The following EYA2 variants were observed in gnomAD, a reference collection of about 807,000 sequenced individuals.
EYA2 encodes the protein protein phosphatase EYA2.
In EYA2, 31 loss-of-function variants were observed where a neutral mutation model predicts 69.2. The ratio of observed to expected loss-of-function variants is 0.45; its 90% CI spans 0.34 to 0.60. The LOEUF is 0.60. Ranked by LOEUF, EYA2 falls within the 20% of genes least tolerant of loss-of-function variation. The pLI, the probability that EYA2 is intolerant of heterozygous loss-of-function variation, is 0.02. For missense variants in EYA2, 622 were observed against 701.2 expected (o/e 0.89, Z 1.28); for synonymous variants, 257 against 279.4 (o/e 0.92, Z 0.80).
intron 12 of EYA2, among the ~76,000 whole-genome samples, chr20:47,173,533 C>CAAA (rs1568826914): frequency 7.7e-6 from 1 of 130,516 alleles, no homozygotes; most frequent in African/African-American, 2.9e-5. Flanking sequence ...AAAAAAAAAA[C>CAAA]GTGCAGGGTC....
Position 46,982,012 on chromosome 20 carries a change from T to C in EYA2, c.-10-7989T>C, listed in dbSNP as rs1039497221. Among the ~76,000 whole-genome samples the C allele has an allele frequency of 3.9e-4, 59 of 152,332 alleles. 1 individual carries two copies. The highest frequency in any genetic ancestry group is 2.0e-4 in the Admixed American group (3 of 15,302). On this transcript the variant is annotated intron_variant, in intron 1 of 15. Transcript: ENST00000327619. ...TCTTGATATATCTAAAAGTTTACTA[T>C]AAATTAGTACTTTTACCATTTCCAA...
At chr20:47,027,200 A>C (rs1035273707) in intron 5 of EYA2, among the ~76,000 whole-genome samples, 8 of 152,210 alleles carry the variant, frequency 5.3e-5, no homozygotes, top group Non-Finnish European at 1.0e-4. Context: ...TGGCCTCCTC[A>C]TGGTGAAATG....
intron 9 of EYA2, among the ~76,000 whole-genome samples, chr20:47,109,478 A>G: frequency 6.6e-6 from 1 of 151,490 alleles, no homozygotes; most frequent in East Asian, 1.9e-4. Flanking sequence ...GTGTGCATTT[A>G]TTTCTTATGT....
intron 8 of EYA2, among the ~76,000 whole-genome samples, chr20:47,091,993 C>A (rs914316902): frequency 6.6e-6 from 1 of 152,092 alleles, no homozygotes; most frequent in Non-Finnish European, 1.5e-5. Context: ...CAAAATAGCA[C>A]ACAATGGGGA....
chr20:47,126,779 G>A (rs909583080), intron 9 of EYA2, among the ~76,000 whole-genome samples: 5 of 152,086 alleles, frequency 3.3e-5, no homozygotes, highest in South Asian at 2.1e-4. Flanking sequence ...ATTTGGTGAC[G>A]TCTGGAGACA....
intron 9 of EYA2, among the ~76,000 whole-genome samples, chr20:47,108,980 G>T (rs1568783329): frequency 6.6e-6 from 1 of 152,126 alleles, no homozygotes; most frequent in Non-Finnish European, 1.5e-5. Flanking sequence ...GACTGAACTG[G>T]TCTTTCTCAG....
chr20:47,014,628 A>ATGTGTGTGTGTG (rs56005987), intron 4 of EYA2, among the ~76,000 whole-genome samples: 161 of 144,700 alleles, frequency 1.1e-3, no homozygotes, highest in African/African-American at 2.3e-3. Flanking sequence ...TGTGCACAAA[A>ATGTGTGTGTGTG]TGTGTGTGTG....
At chr20:46,993,046 G>T (rs527416996) in intron 2 of EYA2, among the ~76,000 whole-genome samples, 12 of 152,280 alleles carry the variant, frequency 7.9e-5, no homozygotes, top group African/African-American at 2.6e-4. Flanking sequence ...TCTGGAGGGA[G>T]CATGGAGCCA....
chr20:47,040,846 G>A (rs1395356909), intron 5 of EYA2, among the ~76,000 whole-genome samples: 1 of 152,136 alleles, frequency 6.6e-6, no homozygotes, highest in Non-Finnish European at 1.5e-5. Context: ...GGTTAGGGGG[G>A]AGGTTAAAAA....
chr20:46,898,632 G>A lies in EYA2; in HGVS notation c.-11+3645G>A, dbSNP rs78017083. Among the ~76,000 whole-genome samples the A allele has an allele frequency of 2.0e-3, 297 of 152,286 alleles. 1 individual carries two copies. Among genetic ancestry groups the A allele is most frequent in the African/African-American group, 6.8e-3 (281 of 41,552 alleles). On this transcript the variant is annotated intron_variant, in intron 1 of 15. Coordinates refer to ENST00000327619, the MANE Select transcript of EYA2 (RefSeq NM_005244.5). ...GCTTCGTTTTCACTGTTTGAAGATCGTAACTGGCCTAATGGTGTTTGACTA... is the reference window on the plus strand; with the variant it reads ...GCTTCGTTTTCACTGTTTGAAGATCATAACTGGCCTAATGGTGTTTGACTA...
intron 1 of EYA2, among the ~76,000 whole-genome samples, chr20:46,915,987 TC>T (rs1180414174): frequency 6.6e-6 from 1 of 152,192 alleles, no homozygotes. Flanking sequence ...AAACAAAAGA[TC>T]AACCGAAATG....
intron 1 of EYA2, among the ~76,000 whole-genome samples, chr20:46,948,119 A>AG (rs1555805371): frequency 6.6e-6 from 1 of 151,436 alleles, no homozygotes; most frequent in Non-Finnish European, 1.5e-5. Flanking sequence ...CAAAAAAAAA[A>AG]AAAAGAAAAA....
chr20:47,069,864 AC>A (rs976157047), intron 5 of EYA2, among the ~76,000 whole-genome samples: 10 of 123,784 alleles, frequency 8.1e-5, no homozygotes, highest in Non-Finnish European at 4.9e-5. Context: ...ATATATATGC[AC>A]ATATATATAT....
intron 1 of EYA2, among the ~76,000 whole-genome samples, chr20:46,958,767 G>A (rs937604165): frequency 6.6e-5 from 10 of 152,204 alleles, no homozygotes; most frequent in African/African-American, 2.2e-4. Flanking sequence ...CACTTAGCTC[G>A]CACCTATTAA....
chr20:47,005,164 ATG>A, intron 4 of EYA2, 80 bp downstream of exon 4: 1 of 1,506,868 alleles, frequency 6.6e-7, no homozygotes, highest in Admixed American at 1.9e-5. Context: ...TCTCAGCTAA[ATG>A]TGGATTAATA....
chr20:47,071,093 TC>T (rs1285542527), intron 5 of EYA2, among the ~76,000 whole-genome samples: 4 of 152,152 alleles, frequency 2.6e-5, no homozygotes, highest in African/African-American at 9.7e-5. Context: ...CGCTGCTACC[TC>T]CGCCTCCCGA....
intron 5 of EYA2, among the ~76,000 whole-genome samples, chr20:47,022,046 C>T (rs1983782992): frequency 1.3e-5 from 2 of 152,184 alleles, no homozygotes; most frequent in African/African-American, 2.4e-5. Context: ...GTCAATAGTG[C>T]ATGCCACAAA....
At chr20:47,017,987 C>A (rs1286674463) in intron 5 of EYA2, among the ~76,000 whole-genome samples, 1 of 152,208 alleles carries the variant, frequency 6.6e-6, no homozygotes, top group African/African-American at 2.4e-5. Flanking sequence ...TCTGCTCTCA[C>A]GTCTGTGTCC....
At chr20:46,955,004 G>C (rs1255590571) in intron 1 of EYA2, among the ~76,000 whole-genome samples, 2 of 152,172 alleles carry the variant, frequency 1.3e-5, no homozygotes, top group Non-Finnish European at 2.9e-5. Flanking sequence ...CGTCCTGCAG[G>C]CCTTTTCTCA....
Sources: allele counts gnomAD v4.1 joint callset (sites outside exome capture counted in the v4.1 genomes callset), GRCh38; gene constraint gnomAD v4.1.1; transcripts MANE v1.5; gene names NCBI Gene and HGNC (gene_info 2026-07-23, HGNC 2026-07-21).